The following ARHGEF9 variants were observed in gnomAD, a reference collection of about 807,000 sequenced individuals.
ARHGEF9 encodes Cdc42 guanine nucleotide exchange factor 9.
In ARHGEF9, 2 loss-of-function variants were observed where a neutral mutation model predicts 41.3. That is an observed-to-expected ratio of 0.05 (90% CI 0.02 to 0.15). ARHGEF9 has a LOEUF of 0.15. Among genes scored for constraint, ARHGEF9 ranks in the 10% least tolerant of loss-of-function variants. The pLI is 1.00. For synonymous variants in ARHGEF9, 160 were observed against 154.4 expected (o/e 1.04, Z -0.27); for missense variants, 225 against 424.7 (o/e 0.53, Z 4.13).
intron 3 of ARHGEF9, chrX:63,701,540 C>T (rs1365194438): frequency 1.8e-5 from 2 of 111,951 alleles, no homozygotes; most frequent in African/African-American, 6.5e-5. Flanking sequence ...CTAATTAGTT[C>T]TTCCCATGCT....
intron 4 of ARHGEF9, among the ~76,000 whole-genome samples, chrX:63,696,911 G>A (rs2051791699): frequency 9.0e-6 from 1 of 111,416 alleles, no homozygotes; most frequent in South Asian, 3.8e-4. Context: ...GGAACCAGCA[G>A]GTCATACACA....
chrX:63,727,927 G>A (rs2054066242), intron 1 of ARHGEF9, among the ~76,000 whole-genome samples: 2 of 112,039 alleles, frequency 1.8e-5, no homozygotes, highest in South Asian at 7.5e-4. Flanking sequence ...TCTGGCTCTA[G>A]AGACTCTGCT....
intron 9 of ARHGEF9, chrX:63,638,415 C>A (rs2047427609): frequency 4.6e-6 from 2 of 432,104 alleles, no homozygotes; most frequent in Admixed American, 7.4e-5. Flanking sequence ...CTACACACTT[C>A]CACATCTAGT....
At chrX:63,695,293 A>G (rs1181448566) in intron 4 of ARHGEF9, among the ~76,000 whole-genome samples, 3 of 111,987 alleles carry the variant, frequency 2.7e-5, no homozygotes, top group African/African-American at 9.7e-5. Context: ...TTTCTGATAT[A>G]TGTTGCTATA....
chrX:63,738,892 G>T (rs1159370924), intron 1 of ARHGEF9, among the ~76,000 whole-genome samples: 1 of 111,242 alleles, frequency 9.0e-6, no homozygotes, highest in Non-Finnish European at 1.9e-5. Flanking sequence ...GCAAAAACAA[G>T]CAAGCTAGAA....
At chrX:63,683,518 C>A (rs2050786490) in intron 4 of ARHGEF9, among the ~76,000 whole-genome samples, 1 of 111,416 alleles carries the variant, frequency 9.0e-6, no homozygotes, top group Non-Finnish European at 1.9e-5. Flanking sequence ...TTCTATGGAA[C>A]CAAACTAGAC....
intron 1 of ARHGEF9, among the ~76,000 whole-genome samples, chrX:63,781,489 C>T (rs1423371871): frequency 1.8e-5 from 2 of 111,902 alleles, no homozygotes; most frequent in Middle Eastern, 4.6e-3. Flanking sequence ...CATGTATAGA[C>T]CCACTCTATG....
At position 63,635,853 on chromosome X, in the gene ARHGEF9, G is replaced by A. The variant is rs1556296802; in HGVS notation, c.*2175C>T. On this transcript the variant is annotated 3_prime_UTR_variant, in exon 10 of 10. Transcript: ENST00000671741. The stretch of plus-strand genomic sequence containing the variant: ...AAGTTGGAAAAAGAGGTACACTGAA[G>A]GGAGGCCTGCATAGCTACCAAAACA... The A allele has an allele frequency of 6.7e-6, 1 of 148,432 alleles. No homozygotes were observed. The highest frequency in any genetic ancestry group is 1.2e-5 in the Non-Finnish European group (1 of 80,012). The allele number at this position is 148,432 out of a possible 1,213,427, so 12.2% of individuals were successfully genotyped here. A position where few individuals can be genotyped will look rare whatever the true frequency, so the allele number is the denominator to read the frequency against.
chrX:63,659,930 T>C (rs1383351283), intron 7 of ARHGEF9, among the ~76,000 whole-genome samples: 2 of 111,878 alleles, frequency 1.8e-5, no homozygotes, highest in Non-Finnish European at 3.8e-5. Flanking sequence ...AGAATGCTTA[T>C]ACACTGCTGG....
At chrX:63,731,472 A>G (rs1421717161) in intron 1 of ARHGEF9, among the ~76,000 whole-genome samples, 1 of 110,237 alleles carries the variant, frequency 9.1e-6, no homozygotes, top group East Asian at 2.8e-4. Context: ...GGTGTACAGT[A>G]AAGACTCAGA....
intron 8 of ARHGEF9, among the ~76,000 whole-genome samples, chrX:63,644,570 C>CTTG (rs2047868383): frequency 9.1e-6 from 1 of 109,338 alleles, no homozygotes; most frequent in Non-Finnish European, 1.9e-5. Flanking sequence ...TTGCTAAGTC[C>CTTG]CAGGCAGGAT....
At chrX:63,680,422 A>G (rs1176175242) in intron 4 of ARHGEF9, among the ~76,000 whole-genome samples, 1 of 112,347 alleles carries the variant, frequency 8.9e-6, no homozygotes. Flanking sequence ...AGGAGACAGG[A>G]GTGTACAACC....
At chrX:63,690,321 C>T (rs2051254785) in intron 4 of ARHGEF9, among the ~76,000 whole-genome samples, 1 of 110,878 alleles carries the variant, frequency 9.0e-6, no homozygotes, top group African/African-American at 3.3e-5. Context: ...ACTGATACCA[C>T]AAAAATACAA....
chrX:63,738,348 GCA>G (rs1164667480), intron 1 of ARHGEF9, among the ~76,000 whole-genome samples: 1 of 112,018 alleles, frequency 8.9e-6, no homozygotes, highest in African/African-American at 3.2e-5. Flanking sequence ...TTTTCACTGT[GCA>G]CTCTCTTGGA....
At chrX:63,754,289 G>A in intron 1 of ARHGEF9, 1 of 1,209,305 alleles carries the variant, frequency 8.3e-7, no homozygotes, top group East Asian at 3.0e-5. Flanking sequence ...AAAGATTTAG[G>A]GAGAGATAAT....
chrX:63,669,062 T>C (rs1239535384), intron 6 of ARHGEF9, among the ~76,000 whole-genome samples: 1 of 112,511 alleles, frequency 8.9e-6, no homozygotes, highest in Non-Finnish European at 1.9e-5. Flanking sequence ...ATCTGTTTCC[T>C]CATTTGTAGA....
chrX:63,660,690 T>G (rs1284296128), intron 7 of ARHGEF9, among the ~76,000 whole-genome samples: 1 of 111,866 alleles, frequency 8.9e-6, no homozygotes, highest in Non-Finnish European at 1.9e-5. Context: ...AAGTACTGAA[T>G]GAATTATTAG....
At chrX:63,751,354 C>G (rs1268736366) in intron 1 of ARHGEF9, among the ~76,000 whole-genome samples, 1 of 111,499 alleles carries the variant, frequency 9.0e-6, no homozygotes, top group African/African-American at 3.3e-5. Context: ...GAAGACAAGT[C>G]AAAATGCATA....
At chrX:63,695,728 G>A (rs1157541743) in intron 4 of ARHGEF9, among the ~76,000 whole-genome samples, 2 of 111,851 alleles carry the variant, frequency 1.8e-5, no homozygotes, top group African/African-American at 6.5e-5. Context: ...CCTGATAAGA[G>A]TGGCTCACTG....
Sources: gnomAD v4.1 joint callset for allele counts (sites outside exome capture counted in the v4.1 genomes callset) on GRCh38, gnomAD v4.1.1 for gene constraint, MANE v1.5 for transcripts, NCBI Gene and HGNC (gene_info 2026-07-23, HGNC 2026-07-21) for gene names.